Variants in CCBE1 observed in about 807,000 individuals in gnomAD.
The protein encoded by CCBE1 is collagen and calcium binding EGF domains 1, also known as collagen and calcium-binding EGF domain-containing protein 1.
A neutral mutation model predicts 50.0 loss-of-function variants in CCBE1; 37 were observed. The observed-to-expected ratio is 0.74, with a 90% CI of 0.57 to 0.97. The LOEUF (loss-of-function observed/expected upper bound fraction) is 0.97. Ranked by LOEUF, CCBE1 falls within the 50% of genes least tolerant of loss-of-function variation. The pLI is 0.00. For missense variants in CCBE1, 538 were observed against 523.8 expected (o/e 1.03, Z -0.26); for synonymous variants, 234 against 203.7 (o/e 1.15, Z -1.27).
chr18:59,594,428 C>G (rs2053320407), intron 2 of CCBE1, among the ~76,000 whole-genome samples: 1 of 152,184 alleles, frequency 6.6e-6, no homozygotes, highest in African/African-American at 2.4e-5. Flanking sequence ...TTAATGGGTA[C>G]AGAGTTTCCG....
intron 2 of CCBE1, among the ~76,000 whole-genome samples, chr18:59,534,651 A>C (rs1915179075): frequency 6.6e-6 from 1 of 152,148 alleles, no homozygotes; most frequent in South Asian, 2.1e-4. Flanking sequence ...GAGATCAGGA[A>C]CTCTGGAGGT....
chr18:59,695,580 C>T (rs1402417165), intron 2 of CCBE1, among the ~76,000 whole-genome samples: 1 of 152,238 alleles, frequency 6.6e-6, no homozygotes, highest in Non-Finnish European at 1.5e-5. Context: ...AAACTGACAG[C>T]CGTGGAACCA....
At chr18:59,588,969 T>C (rs2053218595) in intron 2 of CCBE1, among the ~76,000 whole-genome samples, 1 of 152,204 alleles carries the variant, frequency 6.6e-6, no homozygotes. Context: ...CAGTGATTTG[T>C]AAGGTGTGAT....
intron 2 of CCBE1, among the ~76,000 whole-genome samples, chr18:59,675,903 T>C (rs1351804765): frequency 2.6e-5 from 4 of 152,068 alleles, no homozygotes; most frequent in Non-Finnish European, 5.9e-5. Context: ...CAAAAGTAAA[T>C]GGTGCAATGT....
At chr18:59,658,819 G>C (rs1296645633) in intron 2 of CCBE1, among the ~76,000 whole-genome samples, 1 of 136,774 alleles carries the variant, frequency 7.3e-6, no homozygotes. Context: ...AGTGGAGTTT[G>C]CAGTGAGCCA....
intron 2 of CCBE1, among the ~76,000 whole-genome samples, chr18:59,658,355 ATATATATATATATATATATAT>A (rs1157707038): frequency 1.4e-3 from 2 of 1,450 alleles, no homozygotes; most frequent in African/African-American, 2.7e-3. Flanking sequence ...AAAAAAAAAA[ATATATATATATATATATATAT>A]ATATATATAT....
At chr18:59,439,627 A>G in intron 8 of CCBE1, 49 bp from the exon 9 acceptor site, 1 of 1,614,268 alleles carries the variant, frequency 6.2e-7, no homozygotes, top group African/African-American at 1.3e-5. Flanking sequence ...GCATGGGACA[A>G]AAACACATTT....
At position 59,616,348 on chromosome 18, in the gene CCBE1, C is replaced by T. The variant is rs11663187; in HGVS notation, c.212+80281G>A. ...TGATGGCTAAGTGATTCATGGGAGA[C>T]CCCAGATGTGATTAACTCAAGTTCC... On this transcript the variant is annotated intron_variant, in intron 2 of 10. Transcript: ENST00000439986. Among the ~76,000 whole-genome samples the T allele has an allele frequency of 6.1e-4, 92 of 152,024 alleles. 1 individual carries two copies. Among genetic ancestry groups the T allele is most frequent in the Admixed American group, 1.6e-3 (24 of 15,286 alleles).
At chr18:59,454,319 A>C (rs774510345) in intron 6 of CCBE1, among the ~76,000 whole-genome samples, 1 of 152,160 alleles carries the variant, frequency 6.6e-6, no homozygotes, top group Non-Finnish European at 1.5e-5. Flanking sequence ...GTCCCAGCTC[A>C]CTGCAACCTC....
chr18:59,587,193 G>T (rs2053190738), intron 2 of CCBE1, among the ~76,000 whole-genome samples: 1 of 152,130 alleles, frequency 6.6e-6, no homozygotes, highest in South Asian at 2.1e-4. Flanking sequence ...AAACCTTAAA[G>T]CCCAGTAACT....
chr18:59,502,165 G>A (rs1416693345), intron 2 of CCBE1, among the ~76,000 whole-genome samples: 3 of 152,074 alleles, frequency 2.0e-5, no homozygotes, highest in Non-Finnish European at 2.9e-5. Flanking sequence ...CTTGGGGTCT[G>A]AGCATGTCCT....
chr18:59,692,493 G>C (rs1652072), intron 2 of CCBE1, among the ~76,000 whole-genome samples: 67,024 of 152,118 alleles, frequency 0.44, 15,096 homozygotes, highest in Non-Finnish European at 0.48. Flanking sequence ...CCACTCCCCC[G>C]CCATGGGAAC....
chr18:59,679,290 CA>C (rs1412375802), intron 2 of CCBE1, among the ~76,000 whole-genome samples: 1 of 152,162 alleles, frequency 6.6e-6, no homozygotes, highest in Non-Finnish European at 1.5e-5. Context: ...AAGTACCATC[CA>C]CTAATGACTT....
intron 2 of CCBE1, among the ~76,000 whole-genome samples, chr18:59,659,506 C>T (rs890561819): frequency 2.6e-5 from 4 of 152,056 alleles, no homozygotes; most frequent in Non-Finnish European, 5.9e-5. Flanking sequence ...GTGATTTGGT[C>T]GCACTTACAG....
chr18:59,668,344 G>C (rs899894184), intron 2 of CCBE1, among the ~76,000 whole-genome samples: 1 of 151,948 alleles, frequency 6.6e-6, no homozygotes, highest in East Asian at 1.9e-4. Flanking sequence ...TGTTACCTGG[G>C]AGGCAGAGGT....
At chr18:59,653,616 C>G (rs1026433976) in intron 2 of CCBE1, among the ~76,000 whole-genome samples, 2 of 152,114 alleles carry the variant, frequency 1.3e-5, no homozygotes, top group Non-Finnish European at 2.9e-5. Flanking sequence ...GAAAATTGAC[C>G]AAGGTCACCC....
At chr18:59,601,232 G>A (rs189284979) in intron 2 of CCBE1, among the ~76,000 whole-genome samples, 10 of 151,476 alleles carry the variant, frequency 6.6e-5, no homozygotes, top group Non-Finnish European at 1.0e-4. Context: ...AGGGTGATGT[G>A]GTTTGGCTGT....
chr18:59,695,953 C>T (rs1484985568), intron 2 of CCBE1, among the ~76,000 whole-genome samples: 1 of 144,190 alleles, frequency 6.9e-6, no homozygotes, highest in Non-Finnish European at 1.5e-5. Flanking sequence ...AGGCTGCAAG[C>T]AGAACAGTGG....
chr18:59,536,082 T>C (rs1210364331), intron 2 of CCBE1, among the ~76,000 whole-genome samples: 1 of 152,284 alleles, frequency 6.6e-6, no homozygotes, highest in Non-Finnish European at 1.5e-5. Flanking sequence ...AGTATTTTTA[T>C]GATATTCTTT....
Sources: gnomAD v4.1 joint callset for allele counts (sites outside exome capture counted in the v4.1 genomes callset) on GRCh38, gnomAD v4.1.1 for gene constraint, MANE v1.5 for transcripts, NCBI Gene and HGNC (gene_info 2026-07-23, HGNC 2026-07-21) for gene names.